The following CR1 variants were observed in gnomAD, a reference collection of about 807,000 sequenced individuals.
CR1 encodes complement C3b/C4b receptor 1 (Knops blood group).
A neutral mutation model predicts 187.3 loss-of-function variants in CR1; 116 were observed. That is an observed-to-expected ratio of 0.62 (90% CI 0.53 to 0.72). The LOEUF is 0.72. Among genes scored for constraint, CR1 ranks in the 30% least tolerant of loss-of-function variants. The pLI is 0.00. For synonymous variants in CR1, 576 were observed against 747.1 expected (o/e 0.77, Z 3.73); for missense variants, 1,731 against 2,110.7 (o/e 0.82, Z 3.52).
chr1:207,580,431 T>G lies in CR1; in HGVS notation c.5113+15T>G. On this transcript the variant is annotated intron_variant, in intron 30 of 46. Transcript: ENST00000367049. Reference sequence around the variant, plus strand: ...GAGATGTGCAGGTGCCTCAACTCTCTGGCTTCCAGATTTCTCTCTTTACCC... The same window carrying G: ...GAGATGTGCAGGTGCCTCAACTCTCGGGCTTCCAGATTTCTCTCTTTACCC... 2 of 1,611,634 alleles carry G rather than the reference T, an allele frequency of 1.2e-6. No homozygotes were observed. Among genetic ancestry groups the G allele is most frequent in the Non-Finnish European group, 1.7e-6 (2 of 1,179,080 alleles).
chr1:207,623,587 AAC>A (rs55918544), intron 45 of CR1, among the ~76,000 whole-genome samples: 4,113 of 143,996 alleles, frequency 0.029, 49 homozygotes, highest in African/African-American at 0.03. Flanking sequence ...TACATCTCAA[AAC>A]ACACACACAC....
intron 45 of CR1, among the ~76,000 whole-genome samples, chr1:207,623,363 C>G (rs1454725545): frequency 2.0e-5 from 3 of 152,140 alleles, no homozygotes. Context: ...GGGCAGATCA[C>G]TAGAGGCCAG....
chr1:207,609,678 C>A lies in CR1; in HGVS notation c.6285C>A (p.His2095Gln). ...GCAGATGGGGGCCCAAGCTGCCACA[C>A]TGCTCCAGGGGTGAGTGTGACCCAT... is the stretch of plus-strand genomic sequence containing the variant. ...TNGRWGPKLP[H>Q]CSRVCQPPPE... The change falls in exon 37 of 47, where the codon CAC becomes CAA. Residue 2095 changes from histidine to glutamine, a missense_variant. Physicochemically the swap from His to Gln is conservative, Grantham distance 24 (BLOSUM62 0). Coordinates refer to ENST00000367049, the MANE Select transcript of CR1 (RefSeq NM_000651.6). 1 of 1,585,084 alleles carries A rather than the reference C, an allele frequency of 6.3e-7. No individual in the cohort carries two copies. The highest frequency in any genetic ancestry group is 8.6e-7 in the Non-Finnish European group (1 of 1,166,232).
chr1:207,521,907 G>A (rs931856363), intron 4 of CR1, among the ~76,000 whole-genome samples: 14 of 150,172 alleles, frequency 9.3e-5, no homozygotes, highest in Admixed American at 8.0e-4. Context: ...GAGCTCAAAC[G>A]ATCCACTCTC....
intron 35 of CR1, among the ~76,000 whole-genome samples, chr1:207,596,354 C>G (rs2102365969): frequency 6.6e-6 from 1 of 152,254 alleles, no homozygotes; most frequent in Non-Finnish European, 1.5e-5. Context: ...TGGCTCATGC[C>G]TGTAATCCCA....
rs564473513 is a variant in CR1 at position 207,615,006 on chromosome 1, G to A, written c.6661+517G>A. Among the ~76,000 whole-genome samples the A allele has an allele frequency of 8.6e-5, 13 of 151,894 alleles. No homozygotes were observed. The East Asian group carries it at 2.3e-3, about 27-fold the overall frequency. On this transcript the variant is annotated intron_variant, in intron 40 of 46. Transcript: ENST00000367049. Reference sequence around the variant, plus strand: ...GTACTTTTTGTAGAGATAGAATCTCGCCATATTGCCCCAGCTGGTCTCAAA... The same window carrying A: ...GTACTTTTTGTAGAGATAGAATCTCACCATATTGCCCCAGCTGGTCTCAAA...
chr1:207,520,156 G>A (rs1051195695), intron 4 of CR1, among the ~76,000 whole-genome samples: 10 of 152,136 alleles, frequency 6.6e-5, no homozygotes, highest in Admixed American at 4.6e-4. Flanking sequence ...GCTTTCTCAT[G>A]CCAGAAGCAG....
At chr1:207,616,366 TC>T (rs1190726019) in intron 40 of CR1, among the ~76,000 whole-genome samples, 1 of 152,180 alleles carries the variant, frequency 6.6e-6, no homozygotes. Flanking sequence ...AGGAACACTG[TC>T]TTTGGGCTTT....
At chr1:207,511,787 G>C in intron 4 of CR1, 133 bp downstream of exon 4, 2 of 766,328 alleles carry the variant, frequency 2.6e-6, no homozygotes, top group South Asian at 2.0e-5. Context: ...TAATGTTCTC[G>C]AATATTCCTA....
intron 4 of CR1, among the ~76,000 whole-genome samples, chr1:207,517,393 A>G (rs1325636258): frequency 1.3e-5 from 2 of 152,062 alleles, no homozygotes; most frequent in Non-Finnish European, 2.9e-5. Flanking sequence ...CATCCTTTGG[A>G]AATATTGCTG....
Position 207,616,627 on chromosome 1 carries a change from T to C in CR1, c.6714T>C (p.Thr2238=). The part of the protein sequence containing the change: ...PAILNGRHTG[T]PFGDIPYGKE... ...TCCTTAATGGGAGACACACAGGAAC[T>C]CCCTTTGGAGATATTCCCTATGGAA... Residue 2238 remains threonine (T), a synonymous_variant, in exon 41 of 47, where the codon ACT becomes ACC. Transcript: ENST00000367049. 1.2e-6 allele frequency: 2 copies of C among 1,613,780 alleles called. No individual in the cohort carries two copies. Among genetic ancestry groups the C allele is most frequent in the Non-Finnish European group, 1.7e-6 (2 of 1,179,722 alleles).
chr1:207,599,880 T>G (rs781736738), intron 35 of CR1, among the ~76,000 whole-genome samples: 1 of 152,210 alleles, frequency 6.6e-6, no homozygotes, highest in East Asian at 1.9e-4. Context: ...AGTGAATATA[T>G]AGGTTATACA....
At chr1:207,614,064 T>C (rs1304348335) in intron 39 of CR1, among the ~76,000 whole-genome samples, 1 of 152,214 alleles carries the variant, frequency 6.6e-6, no homozygotes, top group African/African-American at 2.4e-5. Context: ...CTGAAGGTTA[T>C]GGCTCTTGTG....
Position 207,590,002 on chromosome 1 carries a change from C to T in CR1, c.5810+1228C>T, listed in dbSNP as rs183573971. ...GTTTGATTGGTGTACCTGAAAGTGA[C>T]GGGGAGAATGGAACCAAGTTGGAAA... On this transcript the variant is annotated intron_variant, in intron 35 of 46. Transcript: ENST00000367049. Among the ~76,000 whole-genome samples the T allele has an allele frequency of 1.4e-3, 208 of 146,832 alleles. 2 individuals carry two copies. Among genetic ancestry groups the T allele is most frequent in the Middle Eastern group, 6.8e-3 (2 of 294 alleles).
At chr1:207,510,833 T>G (rs1228868661) in intron 3 of CR1, among the ~76,000 whole-genome samples, 1 of 151,406 alleles carries the variant, frequency 6.6e-6, no homozygotes, top group Non-Finnish European at 1.5e-5. Context: ...CTTTCTTTTT[T>G]TTTTTTGATA....
rs959704708 is a variant in CR1, at chr1:207,591,080, A to C, written c.5810+2306A>C. Among the ~76,000 whole-genome samples, 80 of 152,284 alleles carry C rather than the reference A, an allele frequency of 5.3e-4. 1 individual carries two copies. Among genetic ancestry groups the C allele is most frequent in the African/African-American group, 1.9e-3 (79 of 41,560 alleles). ...ATTAACAAGGATATTCAGGACCTGA[A>C]CTCAGCTCTGGACCAAGCAGACCTA... On this transcript the variant is annotated intron_variant, in intron 35 of 46. Coordinates refer to ENST00000367049, the MANE Select transcript of CR1 (RefSeq NM_000651.6).
rs1356142344 is a variant in CR1 at position 207,581,284 on chromosome 1, A to ACG, written c.5217-634_5217-633insCG. On this transcript the variant is annotated intron_variant, in intron 31 of 46. Coordinates refer to ENST00000367049, the MANE Select transcript of CR1 (RefSeq NM_000651.6). ...TAGACGTATACATATGGACACGTAT[A>ACG]TGTATACGTATACATATGGACACGT... Among the ~76,000 whole-genome samples the ACG allele has an allele frequency of 1.2e-4, 17 of 140,100 alleles. 1 individual carries two copies. Among genetic ancestry groups the ACG allele is most frequent in the African/African-American group, 4.4e-4 (16 of 36,472 alleles). 91.9% of individuals were successfully genotyped at this position (140,100 alleles called of 152,430 possible).
At chr1:207,504,809 G>A (rs1274883659) in intron 1 of CR1, among the ~76,000 whole-genome samples, 1 of 152,148 alleles carries the variant, frequency 6.6e-6, no homozygotes, top group Non-Finnish European at 1.5e-5. Context: ...TTAAAGCAGG[G>A]GTCCTCAACC....
chr1:207,583,844 G>C (rs574491360), intron 32 of CR1, among the ~76,000 whole-genome samples: 19 of 152,258 alleles, frequency 1.2e-4, no homozygotes, highest in African/African-American at 4.6e-4. Context: ...TTACTAGAGT[G>C]TAAACATTGG....
Sources: allele counts gnomAD v4.1 joint callset (sites outside exome capture counted in the v4.1 genomes callset), GRCh38; gene constraint gnomAD v4.1.1; transcripts MANE v1.5; gene names NCBI Gene and HGNC (gene_info 2026-07-23, HGNC 2026-07-21).